Variants in SCN2A observed in about 807,000 individuals in gnomAD.
SCN2A encodes the protein sodium voltage-gated channel alpha subunit 2.
In SCN2A, 20 loss-of-function variants were observed where a neutral mutation model predicts 188.7. The observed-to-expected ratio is 0.11, with a 90% CI of 0.07 to 0.15. The LOEUF is 0.15. Among genes scored for constraint, SCN2A ranks in the 10% least tolerant of loss-of-function variants. The pLI, the probability that SCN2A is intolerant of heterozygous loss-of-function variation, is 1.00. For missense variants in SCN2A, 1,278 were observed against 2,445.0 expected, an observed-to-expected ratio of 0.52 and a Z score of 10.07; for synonymous variants, 804 against 833.1, an observed-to-expected ratio of 0.97 and a Z score of 0.60.
intron 19 of SCN2A, 99 bp from the exon 20 acceptor site, chr2:165,370,027 A>T (rs1700943341): frequency 9.9e-7 from 1 of 1,007,000 alleles, no homozygotes; most frequent in Non-Finnish European, 1.5e-6. Context: ...TTCCAGCCTT[A>T]GGCACCTGAT....
intron 15 of SCN2A, among the ~76,000 whole-genome samples, chr2:165,342,719 G>T (rs1171339722): frequency 6.6e-6 from 1 of 152,140 alleles, no homozygotes; most frequent in Non-Finnish European, 1.5e-5. Flanking sequence ...GAGGAAACAG[G>T]GAGTCACAGA....
intron 1 of SCN2A, among the ~76,000 whole-genome samples, chr2:165,278,444 C>T (rs772939442): frequency 3.3e-5 from 5 of 152,124 alleles, no homozygotes; most frequent in African/African-American, 4.8e-5. Context: ...GGGAGAGCCC[C>T]TTATAAAATC....
intron 1 of SCN2A, chr2:165,266,354 A>ATAATTTT (rs1694863058): frequency 6.6e-6 from 1 of 152,006 alleles, no homozygotes. Context: ...TTTCTCCAAT[A>ATAATTTT]TCTTAAGGCA....
chr2:165,367,351 C>T lies in SCN2A; in HGVS notation c.3655C>T (p.Leu1219=). ...CGAAACCTTCATTGTCTTCATGATT[C>T]TGCTGAGCAGTGGGGCTCTGGTAGG... ...WFETFIVFMI[L]LSSGALAFED... is the part of the protein sequence containing the mutation. Residue 1219 remains leucine, a synonymous_variant, in exon 19 of 27, where the codon CTG becomes TTG. Coordinates refer to ENST00000375437, the MANE Select transcript of SCN2A (RefSeq NM_001040142.2). The T allele has an allele frequency of 6.2e-7, 1 of 1,614,196 alleles. No homozygotes were observed. The highest frequency in any genetic ancestry group is 1.3e-5 in the African/African-American group (1 of 75,060).
At chr2:165,365,310 C>T in intron 18 of SCN2A, 47 bp downstream of exon 18, 1 of 1,605,588 alleles carries the variant, frequency 6.2e-7, no homozygotes, top group South Asian at 1.1e-5. Flanking sequence ...CTCTTTTCTA[C>T]CCATTTTTTC....
chr2:165,282,437 G>T (rs546348215), intron 1 of SCN2A, among the ~76,000 whole-genome samples: 171 of 152,258 alleles, frequency 1.1e-3, no homozygotes, highest in Non-Finnish European at 2.0e-3. Flanking sequence ...CTCTGTGTTT[G>T]CCCTGCAAGT....
At chr2:165,288,731 CATGT>C (rs769497101) in intron 1 of SCN2A, among the ~76,000 whole-genome samples, 11 of 132,244 alleles carry the variant, frequency 8.3e-5, no homozygotes, top group Non-Finnish European at 1.2e-4. Context: ...GATACATATA[CATGT>C]GTGTGTGTGT....
intron 13 of SCN2A, chr2:165,328,483 T>C (rs2105287661): frequency 1.0e-6 from 1 of 985,788 alleles, no homozygotes; most frequent in South Asian, 4.7e-5. Flanking sequence ...GTGGTTCTGC[T>C]ACCGATGTCA....
intron 1 of SCN2A, among the ~76,000 whole-genome samples, chr2:165,250,813 T>G (rs556764643): frequency 5.3e-5 from 8 of 152,206 alleles, no homozygotes; most frequent in Admixed American, 5.2e-4. Flanking sequence ...TGCAGGAATT[T>G]CAAAACCTGA....
At chr2:165,376,126 G>A (rs938790691) in intron 22 of SCN2A, among the ~76,000 whole-genome samples, 6 of 151,778 alleles carry the variant, frequency 4.0e-5, no homozygotes, top group South Asian at 2.1e-4. Flanking sequence ...CTATTGTACA[G>A]CATGGTGACT....
At chr2:165,350,713 C>G (rs1699862888) in intron 16 of SCN2A, among the ~76,000 whole-genome samples, 2 of 2,898 alleles carry the variant, frequency 6.9e-4, no homozygotes, top group South Asian at 0.5. Flanking sequence ...ACCTCGTGAT[C>G]CGCCCGAGGC....
intron 3 of SCN2A, among the ~76,000 whole-genome samples, chr2:165,300,989 G>A (rs953504541): frequency 6.6e-6 from 1 of 152,078 alleles, no homozygotes; most frequent in African/African-American, 2.4e-5. Flanking sequence ...CAATGAGGAT[G>A]GTAAAATGTC....
rs1204792789 is a variant in SCN2A, at chr2:165,391,944, T to C, written c.*2120T>C. On this transcript the variant is annotated 3_prime_UTR_variant, in exon 27 of 27. Coordinates refer to ENST00000375437, the MANE Select transcript of SCN2A (RefSeq NM_001040142.2). ...TCTTTATACTGAAGCTATTGACTTG[T>C]AGTGTGTTGGTGAAATGCATGCAGG... 6.6e-6 allele frequency: 1 copy of C among 152,548 alleles called. No homozygotes were observed. The highest frequency in any genetic ancestry group is 1.5e-5 in the Non-Finnish European group (1 of 67,982). The allele number at this position is 152,548 out of a possible 1,614,324, so 9.4% of individuals were successfully genotyped here.
At chr2:165,255,106 A>C (rs550734994) in intron 1 of SCN2A, among the ~76,000 whole-genome samples, 1 of 152,006 alleles carries the variant, frequency 6.6e-6, no homozygotes, top group South Asian at 2.1e-4. Flanking sequence ...ACCAATTCAA[A>C]ATTTATTATT....
At chr2:165,330,967 C>G (rs1433902273) in intron 13 of SCN2A, among the ~76,000 whole-genome samples, 1 of 152,172 alleles carries the variant, frequency 6.6e-6, no homozygotes, top group Non-Finnish European at 1.5e-5. Context: ...CCTGAGATAT[C>G]TCTGATAACA....
intron 1 of SCN2A, among the ~76,000 whole-genome samples, chr2:165,265,640 CT>C (rs1302735678): frequency 6.7e-6 from 1 of 149,644 alleles, no homozygotes; most frequent in African/African-American, 2.4e-5. Context: ...CATAGTAAAA[CT>C]ATAGTTAGGC....
intron 1 of SCN2A, among the ~76,000 whole-genome samples, chr2:165,277,888 T>A (rs550742367): frequency 6.6e-6 from 1 of 152,234 alleles, no homozygotes; most frequent in Non-Finnish European, 1.5e-5. Flanking sequence ...TTAATGAATA[T>A]CTACTTTCTG....
At chr2:165,381,673 CA>C (rs1015566278) in intron 25 of SCN2A, among the ~76,000 whole-genome samples, 1 of 151,398 alleles carries the variant, frequency 6.6e-6, no homozygotes, top group East Asian at 1.9e-4. Flanking sequence ...TCTGGTTAAA[CA>C]AAAAAAAGAC....
intron 1 of SCN2A, among the ~76,000 whole-genome samples, chr2:165,290,175 T>C (rs1696032975): frequency 6.6e-6 from 1 of 152,176 alleles, no homozygotes; most frequent in South Asian, 2.1e-4. Context: ...TCAGGGTTAT[T>C]AGCACACCCA....
Sources: gnomAD v4.1 joint callset for allele counts (sites outside exome capture counted in the v4.1 genomes callset) on GRCh38, gnomAD v4.1.1 for gene constraint, MANE v1.5 for transcripts, NCBI Gene and HGNC (gene_info 2026-07-23, HGNC 2026-07-21) for gene names.